SCN4A: variants seen among roughly 807,000 people sequenced by gnomAD.
SCN4A encodes the protein sodium channel protein type 4 subunit alpha.
In SCN4A, 83 loss-of-function variants were observed where a neutral mutation model predicts 162.0. The ratio of observed to expected loss-of-function variants is 0.51; its 90% CI spans 0.43 to 0.61. The LOEUF is 0.61. Among genes scored for constraint, SCN4A ranks in the 20% least tolerant of loss-of-function variants. The pLI, the probability that SCN4A is intolerant of heterozygous loss-of-function variation, is 0.00. For missense variants in SCN4A, 2,196 were observed against 2,462.5 expected, an observed-to-expected ratio of 0.89 and a Z score of 2.29; for synonymous variants, 944 against 985.1, an observed-to-expected ratio of 0.96 and a Z score of 0.78.
intron 12 of SCN4A, 55 bp downstream of exon 12, chr17:63,959,210 T>G: frequency 1.4e-6 from 2 of 1,412,986 alleles, no homozygotes; most frequent in Non-Finnish European, 2.0e-6. Flanking sequence ...CCCACCCTCC[T>G]TAGTCTCCTC....
At chr17:63,968,933 G>A (rs1909537315) in intron 5 of SCN4A, among the ~76,000 whole-genome samples, 2 of 152,114 alleles carry the variant, frequency 1.3e-5, no homozygotes, top group Admixed American at 1.3e-4. Context: ...TCTGCCTCCT[G>A]GGTTCAAGTG....
At chr17:63,961,454 T>C (rs1230804036) in intron 10 of SCN4A, 23 bp from the exon 11 acceptor site, 3 of 1,565,962 alleles carry the variant, frequency 1.9e-6, no homozygotes, top group African/African-American at 1.4e-5. Context: ...TGGTAGCAGG[T>C]ATCTGGTGAG....
intron 15 of SCN4A, 106 bp from the exon 16 acceptor site, chr17:63,948,871 C>T: frequency 1.9e-6 from 2 of 1,065,464 alleles, no homozygotes; most frequent in Non-Finnish European, 1.3e-6. Flanking sequence ...TGCCCCTCTC[C>T]AGCTCCCAGA....
At chr17:63,961,908 G>A (rs112639254) in intron 10 of SCN4A, among the ~76,000 whole-genome samples, 1 of 122,926 alleles carries the variant, frequency 8.1e-6, no homozygotes, top group Non-Finnish European at 1.6e-5. Flanking sequence ...CTCACAGAGC[G>A]CATCCTCATG....
rs762279435 is a variant in SCN4A, at chr17:63,957,304, T to C, written c.2234A>G (p.His745Arg). 8.1e-6 allele frequency: 13 copies of C among 1,614,044 alleles called. No homozygotes were observed. Among genetic ancestry groups the C allele is most frequent in the Non-Finnish European group, 1.1e-5 (13 of 1,180,000 alleles). ...LDCNLPRWHM[H>R]DFFHSFLIVF... is the part of the protein sequence containing the mutation. The stretch of plus-strand genomic sequence containing the variant: ...GATGAGGAAGGAGTGGAAGAAATCA[T>C]GCATGTGCCAGCGCGGCAGGTTGCA... Residue 745 changes from histidine (H) to arginine (R), a missense_variant, in exon 13 of 24, where the codon CAT becomes CGT. His to Arg is a conservative substitution (Grantham distance 29, BLOSUM62 0). Coordinates refer to ENST00000435607, the MANE Select transcript of SCN4A (RefSeq NM_000334.4).
intron 22 of SCN4A, among the ~76,000 whole-genome samples, chr17:63,943,347 CAAGA>C (rs1166120709): frequency 6.6e-6 from 1 of 152,174 alleles, no homozygotes; most frequent in Admixed American, 6.5e-5. Context: ...GTCCTCCCTT[CAAGA>C]TCCCCCAGAT....
chr17:63,938,801 GA>G lies in SCN4A; in HGVS notation c.*1969del, dbSNP rs1161944544. On this transcript the variant is annotated 3_prime_UTR_variant, in exon 24 of 24. Coordinates refer to ENST00000435607, the MANE Select transcript of SCN4A (RefSeq NM_000334.4). ...GGGGCTGTGCCAGCCCAGGGCCCAG[GA>G]GGGCAAGGCAGAGGGGCAATGTGCC... 1.3e-5 allele frequency: 2 copies of G among 152,974 alleles called. No individual in the cohort carries two copies. Among genetic ancestry groups the G allele is most frequent in the East Asian group, 3.9e-4 (2 of 5,192 alleles). The allele number at this position is 152,974 out of a possible 1,614,324, so 9.5% of individuals were successfully genotyped here. A position where few individuals can be genotyped will look rare whatever the true frequency, so the allele number is the denominator to read the frequency against.
In SCN4A at chr17:63,964,329, G is replaced by A. The variant is rs138999582; in HGVS notation, c.1452+139C>T. The A allele has an allele frequency of 5.7e-5, 39 of 679,142 alleles. No homozygotes were observed. The African/African-American group carries it at 5.8e-4, about 10-fold the overall frequency. 42.1% of individuals were successfully genotyped at this position (679,142 alleles called of 1,614,324 possible). A position where few individuals can be genotyped will look rare whatever the true frequency, so the allele number is the denominator to read the frequency against. ...CCACCAGCAAAGCTCCCAGCCCAGG[G>A]CCTTCTGCTCCTTCTGCCTCAAAAC... On this transcript the variant is annotated intron_variant, in intron 9 of 23. Transcript: ENST00000435607.
intron 22 of SCN4A, 90 bp from the exon 23 acceptor site, chr17:63,943,186 C>G: frequency 7.8e-7 from 1 of 1,287,140 alleles, no homozygotes; most frequent in South Asian, 1.3e-5. Context: ...GATGGCACCA[C>G]AGCATGACAG....
At position 63,971,268 on chromosome 17, in the gene SCN4A, G is replaced by A; in HGVS notation, c.612-15C>T. The A allele has an allele frequency of 7.0e-7, 1 of 1,430,214 alleles. No homozygotes were observed. Among genetic ancestry groups the A allele is most frequent in the Non-Finnish European group, 9.6e-7 (1 of 1,037,484 alleles). The allele number at this position is 1,430,214 out of a possible 1,614,324, so 88.6% of individuals were successfully genotyped here. On this transcript the variant is annotated splice_polypyrimidine_tract_variant and intron_variant, in intron 4 of 23. Coordinates refer to ENST00000435607, the MANE Select transcript of SCN4A (RefSeq NM_000334.4). ...CTGTCAGGTACCTGGGTAGGGGGTGGAGGGGGGTGGGGACTGTCAGAGCCT... is the reference window on the plus strand; with the variant it reads ...CTGTCAGGTACCTGGGTAGGGGGTGAAGGGGGGTGGGGACTGTCAGAGCCT...
rs121908548 is a variant in SCN4A, at chr17:63,941,517, C to T, written c.4765G>A (p.Val1589Met). 6 of 1,614,006 alleles carry T rather than the reference C, an allele frequency of 3.7e-6. No individual in the cohort carries two copies. Among genetic ancestry groups the T allele is most frequent in the Non-Finnish European group, 5.1e-6 (6 of 1,180,020 alleles). Residue 1589 changes from valine to methionine, a missense_variant, in exon 24 of 24, where the codon GTG becomes ATG. By Grantham distance (21) the Val-to-Met change is conservative (BLOSUM62 1). Transcript: ENST00000435607. This position sits in a 1 kb window ranked among gnomAD's most constrained non-coding sequence, Gnocchi z 6.2. ...CSYIIISFLI[V>M]VNMYIAIILE... ...ATGATGGCGATGTACATGTTGACCA[C>T]GATGAGGAAGGAGATGATGATATAG...
intron 6 of SCN4A, among the ~76,000 whole-genome samples, chr17:63,967,245 C>G (rs1909478056): frequency 6.6e-6 from 1 of 151,940 alleles, no homozygotes; most frequent in Admixed American, 6.6e-5. Context: ...CTCTGTCTGC[C>G]AGGTTCAAGC....
At chr17:63,955,718 C>T (rs899758117) in intron 13 of SCN4A, among the ~76,000 whole-genome samples, 9 of 152,128 alleles carry the variant, frequency 5.9e-5, no homozygotes, top group African/African-American at 2.2e-4. Flanking sequence ...AAGTTGGGCC[C>T]GGGCACCTTC....
In SCN4A at chr17:63,941,456, C is replaced by T; in HGVS notation, c.4826G>A (p.Ser1609Asn). The T allele has an allele frequency of 6.2e-7, 1 of 1,614,172 alleles. No homozygotes were observed. Among genetic ancestry groups the T allele is most frequent in the Admixed American group, 1.7e-5 (1 of 60,024 alleles). Residue 1609 changes from serine (S) to asparagine (N), a missense_variant, in exon 24 of 24, where the codon AGC becomes AAC. Ser to Asn is a conservative substitution (Grantham distance 46). Coordinates refer to ENST00000435607, the MANE Select transcript of SCN4A (RefSeq NM_000334.4). This position sits in a 1 kb window ranked among gnomAD's most constrained non-coding sequence, Gnocchi z 6.2. ...ENFNVATEES[S>N]EPLGEDDFEM... ...AAAGTCATCTTCACCAAGGGGCTCG[C>T]TGCTCTCCTCTGTGGCCACATTGAA...
intron 9 of SCN4A, 78 bp downstream of exon 9, chr17:63,964,390 C>T (rs1475959513): frequency 6.7e-6 from 9 of 1,345,578 alleles, no homozygotes; most frequent in Non-Finnish European, 9.5e-6. Context: ...CTCGGCCCCC[C>T]AGGGAGAAGC....
chr17:63,970,819 A>C (rs540042818), intron 5 of SCN4A, among the ~76,000 whole-genome samples: 1 of 152,142 alleles, frequency 6.6e-6, no homozygotes, highest in African/African-American at 2.4e-5. Flanking sequence ...TTTTTAGTAG[A>C]GACAGGGTTT....
At chr17:63,953,223 G>T (rs777727986) in intron 13 of SCN4A, among the ~76,000 whole-genome samples, 2 of 152,142 alleles carry the variant, frequency 1.3e-5, no homozygotes, top group Non-Finnish European at 2.9e-5. Flanking sequence ...AGCTGGGCGT[G>T]GTGGCATGCG....
rs1408466147 is a variant in SCN4A, at chr17:63,963,799, A to G, written c.1479T>C (p.Gly493=). 1 of 1,604,952 alleles carries G rather than the reference A, an allele frequency of 6.2e-7. No individual in the cohort carries two copies. The highest frequency in any genetic ancestry group is 2.2e-5 in the East Asian group (1 of 44,520). Residue 493 remains glycine (G), a synonymous_variant, in exon 10 of 24, where the codon GGT becomes GGC. Transcript: ENST00000435607. ...EKAKAAQALE[G]GEADGDPAHG... is the part of the protein sequence containing the mutation. ...GGGCTGGGTCCCCATCTGCCTCCCC[A>G]CCTTCCAGAGCTTGGGCGGCCTTGG... is the stretch of plus-strand genomic sequence containing the variant.
At position 63,941,127 on chromosome 17, in the gene SCN4A, T is replaced by C. The variant is rs1241353056; in HGVS notation, c.5155A>G (p.Thr1719Ala). The C allele has an allele frequency of 6.2e-7, 1 of 1,613,706 alleles. No homozygotes were observed. The highest frequency in any genetic ancestry group is 8.5e-7 in the Non-Finnish European group (1 of 1,179,850). The change falls in exon 24 of 24, where the codon ACC becomes GCC. Residue 1719 changes from threonine (T) to alanine (A), a missense_variant. Thr to Ala is a moderately conservative substitution (Grantham distance 58, BLOSUM62 0). Coordinates refer to ENST00000435607, the MANE Select transcript of SCN4A (RefSeq NM_000334.4). The surrounding 1 kb of genome is among the most constrained non-coding windows in gnomAD (Gnocchi z 6.2). ...TCGTGCTTCCTCTTGAGGGTGGTGGTGATGGGCTCGTAGGACACCTTGGAG... is the reference window on the plus strand; with the variant it reads ...TCGTGCTTCCTCTTGAGGGTGGTGGCGATGGGCTCGTAGGACACCTTGGAG... The part of the protein sequence containing the change: ...NPSKVSYEPI[T>A]TTLKRKHEEV...
Sources: allele counts gnomAD v4.1 joint callset (sites outside exome capture counted in the v4.1 genomes callset), GRCh38; gene constraint gnomAD v4.1.1; non-coding constraint Gnocchi (gnomAD v3.1); transcripts MANE v1.5; gene names NCBI Gene and HGNC (gene_info 2026-07-23, HGNC 2026-07-21).